PLCB4: variants seen among roughly 807,000 people sequenced by gnomAD.
The protein encoded by PLCB4 is phospholipase C beta 4.
PLCB4 carries 77 observed loss-of-function variants against 178.8 expected under a neutral mutation model. The ratio of observed to expected loss-of-function variants is 0.43; its 90% CI spans 0.36 to 0.52. The LOEUF (loss-of-function observed/expected upper bound fraction) is 0.52, where lower values mean the gene tolerates loss of function less well. Among genes scored for constraint, PLCB4 ranks in the 20% least tolerant of loss-of-function variants. The pLI is 0.00. For synonymous variants in PLCB4, 496 were observed against 490.8 expected, an observed-to-expected ratio of 1.01 and a Z score of -0.14; for missense variants, 1,024 against 1,453.4, an observed-to-expected ratio of 0.70 and a Z score of 4.80.
intron 3 of PLCB4, among the ~76,000 whole-genome samples, chr20:9,252,312 ATCTGCGAGCTTG>A (rs1601443559): frequency 2.6e-5 from 4 of 152,224 alleles, no homozygotes; most frequent in Admixed American, 2.6e-4. Context: ...TGTCAGCATC[ATCTGCGAGCTTG>A]TTAGAACTGC....
At chr20:9,471,029 A>G (rs771918332) in intron 36 of PLCB4, among the ~76,000 whole-genome samples, 6 of 152,262 alleles carry the variant, frequency 3.9e-5, no homozygotes, top group Non-Finnish European at 8.8e-5. Context: ...AGAAAGATAC[A>G]TAGAAACTGA....
At chr20:9,124,043 A>T (rs1280999012) in intron 2 of PLCB4, among the ~76,000 whole-genome samples, 2 of 152,118 alleles carry the variant, frequency 1.3e-5, no homozygotes, top group Admixed American at 1.3e-4. Flanking sequence ...TATAATTATG[A>T]TGGGAGTTGA....
intron 4 of PLCB4, among the ~76,000 whole-genome samples, chr20:9,336,792 C>T (rs1400860530): frequency 1.3e-5 from 2 of 151,698 alleles, no homozygotes; most frequent in Non-Finnish European, 2.9e-5. Context: ...TAATGTATCT[C>T]CTGATTTTTG....
intron 36 of PLCB4, among the ~76,000 whole-genome samples, chr20:9,472,052 C>T (rs1050973378): frequency 6.6e-6 from 1 of 152,180 alleles, no homozygotes; most frequent in Admixed American, 6.5e-5. Flanking sequence ...ATAGTGTAGT[C>T]TGTTCATAAA....
intron 21 of PLCB4, among the ~76,000 whole-genome samples, chr20:9,405,637 T>G (rs1436261233): frequency 6.6e-6 from 1 of 152,174 alleles, no homozygotes; most frequent in Non-Finnish European, 1.5e-5. Flanking sequence ...TATAGCATAA[T>G]AGAAAGGATG....
At chr20:9,273,506 A>G (rs1014600651) in intron 3 of PLCB4, among the ~76,000 whole-genome samples, 2 of 152,050 alleles carry the variant, frequency 1.3e-5, no homozygotes, top group Admixed American at 1.3e-4. Context: ...GGGGATCCCA[A>G]ATGAGCCCCT....
chr20:9,309,216 CA>C (rs1454719511), intron 4 of PLCB4, among the ~76,000 whole-genome samples: 12 of 152,130 alleles, frequency 7.9e-5, no homozygotes, highest in African/African-American at 2.9e-4. Context: ...TTCCAACATA[CA>C]GCGTATGTTC....
In PLCB4 at chr20:9,225,566, C is replaced by T. The variant is rs542400523; in HGVS notation, c.-16+8114C>T. On this transcript the variant is annotated intron_variant, in intron 3 of 39. Coordinates refer to ENST00000378473, the MANE Select transcript of PLCB4 (RefSeq NM_001377142.1). ...GTATGCTATTGAAGTCATTGTATTA[C>T]GGTTGTTTTTCTGTGTCATTTCCTG... 3.4e-4 allele frequency among the ~76,000 whole-genome samples: 51 copies of T among 152,238 alleles called. No homozygotes were observed. The South Asian group carries it at 9.1e-3, about 27-fold the overall frequency.
At chr20:9,253,030 G>T (rs996508606) in intron 3 of PLCB4, among the ~76,000 whole-genome samples, 3 of 152,174 alleles carry the variant, frequency 2.0e-5, no homozygotes, top group Non-Finnish European at 4.4e-5. Flanking sequence ...ATCTGTCTGT[G>T]TCTCTCTGCA....
intron 25 of PLCB4, among the ~76,000 whole-genome samples, chr20:9,414,434 G>A (rs915930899): frequency 1.3e-5 from 2 of 152,314 alleles, no homozygotes; most frequent in Non-Finnish European, 2.9e-5. Context: ...GGTTCTCACC[G>A]TGTCACCCTT....
At chr20:9,089,200 G>T (rs1391278147) in intron 1 of PLCB4, among the ~76,000 whole-genome samples, 1 of 151,846 alleles carries the variant, frequency 6.6e-6, no homozygotes, top group Non-Finnish European at 1.5e-5. Flanking sequence ...GTGACAATAT[G>T]ATAAGAAGTT....
chr20:9,214,305 G>A (rs2093704605), intron 2 of PLCB4, among the ~76,000 whole-genome samples: 1 of 152,212 alleles, frequency 6.6e-6, no homozygotes, highest in African/African-American at 2.4e-5. Flanking sequence ...CATGTTGTGA[G>A]GTAGGAGCCT....
At chr20:9,459,214 C>T (rs1465037408) in intron 34 of PLCB4, among the ~76,000 whole-genome samples, 9 of 151,972 alleles carry the variant, frequency 5.9e-5, no homozygotes, top group Non-Finnish European at 1.2e-4. Context: ...CATGGTGGCA[C>T]GCATCTGTAA....
At chr20:9,175,913 T>G (rs946589356) in intron 2 of PLCB4, among the ~76,000 whole-genome samples, 1 of 152,186 alleles carries the variant, frequency 6.6e-6, no homozygotes, top group African/African-American at 2.4e-5. Context: ...GTGCTCATTT[T>G]GCATTGCGTG....
intron 2 of PLCB4, among the ~76,000 whole-genome samples, chr20:9,114,488 A>G (rs1428398044): frequency 6.6e-6 from 1 of 152,168 alleles, no homozygotes. Context: ...GGGTAATGAT[A>G]GTCTGAGCTC....
chr20:9,231,304 T>C (rs2093929226), intron 3 of PLCB4, among the ~76,000 whole-genome samples: 1 of 152,146 alleles, frequency 6.6e-6, no homozygotes, highest in Non-Finnish European at 1.5e-5. Context: ...CCAGCTATTA[T>C]CTTGTGGGGT....
intron 2 of PLCB4, among the ~76,000 whole-genome samples, chr20:9,114,537 A>T (rs541953032): frequency 6.6e-6 from 1 of 152,290 alleles, no homozygotes; most frequent in Admixed American, 6.5e-5. Flanking sequence ...AATAATGTTG[A>T]AGCTTATTCC....
chr20:9,229,736 T>A (rs2093911154), intron 3 of PLCB4, among the ~76,000 whole-genome samples: 1 of 152,066 alleles, frequency 6.6e-6, no homozygotes, highest in Admixed American at 6.6e-5. Flanking sequence ...ATGTGCAGGA[T>A]GTGCAGGTCT....
chr20:9,184,328 G>A (rs559954656), intron 2 of PLCB4, among the ~76,000 whole-genome samples: 2 of 152,128 alleles, frequency 1.3e-5, no homozygotes, highest in African/African-American at 4.8e-5. Flanking sequence ...AGCTTTATTT[G>A]GCTCAGAATG....
Sources: gnomAD v4.1 joint callset for allele counts (sites outside exome capture counted in the v4.1 genomes callset) on GRCh38, gnomAD v4.1.1 for gene constraint, MANE v1.5 for transcripts, NCBI Gene and HGNC (gene_info 2026-07-23, HGNC 2026-07-21) for gene names.